Variants in ACTB observed in about 807,000 individuals in gnomAD.
The protein encoded by ACTB is actin beta, also known as actin, cytoplasmic 1.
A neutral mutation model predicts 30.5 loss-of-function variants in ACTB; 2 were observed. The ratio of observed to expected loss-of-function variants is 0.07; its 90% CI spans 0.03 to 0.21. ACTB has a LOEUF of 0.21. ACTB is among the 10% of genes least tolerant of loss of function. The probability of loss-of-function intolerance (pLI) is 1.00; values close to 1 mark genes in which losing one functional copy is unlikely to be tolerated. For missense variants in ACTB, 56 were observed against 530.0 expected (o/e 0.11, Z 8.78); for synonymous variants, 335 against 217.6 (o/e 1.54, Z -4.75).
intron 1 of ACTB, chr7:5,529,887 C>T: frequency 4.3e-6 from 3 of 699,410 alleles, no homozygotes; most frequent in Non-Finnish European, 7.3e-6. Context: ...AACCGGGCGC[C>T]AGCCCCGCCT....
At position 5,529,595 on chromosome 7, in the gene ACTB, G is replaced by A. The variant is rs370972197; in HGVS notation, c.63C>T (p.Phe21=). The change falls in exon 2 of 6, where the codon TTC becomes TTT. Residue 21 remains phenylalanine, a synonymous_variant. Transcript: ENST00000646664. ...CGGCCCGGGGGGCATCGTCGCCCGC[G>A]AAGCCGGCCTTGCACATGCCGGAGC... ...DNGSGMCKAG[F]AGDDAPRAVF... 28 of 1,611,402 alleles carry A rather than the reference G, an allele frequency of 1.7e-5. No individual in the cohort carries two copies. Among genetic ancestry groups the A allele is most frequent in the African/African-American group, 4.0e-5 (3 of 74,886 alleles).
chr7:5,530,552 T>A lies in ACTB; in HGVS notation c.-35A>T, dbSNP rs889129613. On this transcript the variant is annotated 5_prime_UTR_variant, in exon 1 of 6. Transcript: ENST00000646664. ...GCGGCGGGTGTGGACGGGCGGCGGA[T>A]CGGCAAAGGCGAGGCTCTGTGCTCG... The A allele has an allele frequency of 4.6e-5, 7 of 151,942 alleles. No homozygotes were observed. Among genetic ancestry groups the A allele is most frequent in the African/African-American group, 1.7e-4 (7 of 41,222 alleles). 9.4% of individuals were successfully genotyped at this position (151,942 alleles called of 1,614,324 possible). A position where few individuals can be genotyped will look rare whatever the true frequency, so the allele number is the denominator to read the frequency against.
intron 2 of ACTB, 33 bp downstream of exon 2, chr7:5,529,502 C>A: frequency 6.2e-7 from 1 of 1,611,930 alleles, no homozygotes; most frequent in Non-Finnish European, 8.5e-7. Context: ...CCCGCCCGCT[C>A]CCGGGGCTGC....
chr7:5,528,769 G>GTCC, intron 3 of ACTB, 50 bp from the exon 4 acceptor site: 1 of 1,595,002 alleles, frequency 6.3e-7, no homozygotes, highest in Non-Finnish European at 8.6e-7. Context: ...ACTGGGGACA[G>GTCC]CCAGGCCAGA....
chr7:5,529,706 G>A (rs372164689), intron 1 of ACTB, 43 bp from the exon 2 acceptor site: 307 of 1,609,642 alleles, frequency 1.9e-4, no homozygotes, highest in Non-Finnish European at 2.5e-4. Flanking sequence ...GGTCGCCCCC[G>A]CCCTGGCCAC....
At chr7:5,528,807 C>T (rs1169149798) in intron 3 of ACTB, 88 bp from the exon 4 acceptor site, 1 of 1,520,748 alleles carries the variant, frequency 6.6e-7, no homozygotes, top group East Asian at 2.3e-5. Context: ...GTGCAAAGAA[C>T]ACGGCTAAGT....
intron 5 of ACTB, 33 bp from the exon 6 acceptor site, chr7:5,527,924 C>G: frequency 6.2e-7 from 1 of 1,613,060 alleles, no homozygotes; most frequent in East Asian, 2.2e-5. Flanking sequence ...AGTGAGGACC[C>G]TGGATGTGAC....
In ACTB at chr7:5,527,727, C is replaced by T. The variant is rs771806128; in HGVS notation, c.*21G>A. 13 of 1,612,886 alleles carry T rather than the reference C, an allele frequency of 8.1e-6. No individual in the cohort carries two copies. The highest frequency in any genetic ancestry group is 2.2e-5 in the East Asian group (1 of 44,874). On this transcript the variant is annotated 3_prime_UTR_variant, in exon 6 of 6. Transcript: ENST00000646664. ...TAGGTTTTGTCAAGAAAGGGTGTAA[C>T]GCAACTAAGTCATAGTCCGCCTAGA...
At chr7:5,529,075 G>T (rs755998236) in intron 3 of ACTB, 86 bp downstream of exon 3, 3 of 1,613,350 alleles carry the variant, frequency 1.9e-6, no homozygotes, top group Non-Finnish European at 2.5e-6. Flanking sequence ...GAAAACGGCA[G>T]AAGAGAGAAC....
chr7:5,528,934 C>G (rs1411201626), intron 3 of ACTB: 1 of 1,508,012 alleles, frequency 6.6e-7, no homozygotes, highest in African/African-American at 1.4e-5. Flanking sequence ...AGTGTTAGTA[C>G]CTACACCCAC....
chr7:5,528,947 C>T (rs558577049), intron 3 of ACTB: 1 of 1,533,002 alleles, frequency 6.5e-7, no homozygotes, highest in Non-Finnish European at 8.8e-7. Context: ...ACACCCACAA[C>T]ACTGTCTTAG....
intron 1 of ACTB, 175 bp from the exon 2 acceptor site, chr7:5,529,838 C>T (rs763735958): frequency 2.8e-6 from 3 of 1,087,466 alleles, no homozygotes; most frequent in Non-Finnish European, 4.1e-6. Context: ...GAGGCGTCCC[C>T]GCGGCGCGCG....
rs925588729 is a variant in ACTB, at chr7:5,530,593, C to T, written c.-76G>A. On this transcript the variant is annotated 5_prime_UTR_variant, in exon 1 of 6. Transcript: ENST00000646664. ...TCTGTGCTCGCGGGGCGGACGCGGT[C>T]TCGGCGGTGGTGGCGCGTCGCGCCG... The T allele has an allele frequency of 6.6e-6, 1 of 152,080 alleles. No homozygotes were observed. Among genetic ancestry groups the T allele is most frequent in the Admixed American group, 6.6e-5 (1 of 15,248 alleles). 9.4% of individuals were successfully genotyped at this position (152,080 alleles called of 1,614,324 possible). A position where few individuals can be genotyped will look rare whatever the true frequency, so the allele number is the denominator to read the frequency against.
intron 3 of ACTB, 194 bp downstream of exon 3, chr7:5,528,967 C>A: frequency 1.3e-6 from 2 of 1,560,236 alleles, no homozygotes; most frequent in Admixed American, 2.0e-5. Flanking sequence ...GACACCTAGT[C>A]AGAGAGACAA....
rs1386625551 is a variant in ACTB at position 5,528,076 on chromosome 7, G to T, written c.912C>A (p.Thr304=). ...YANTVLSGGT[T]MYPGIADRMQ... ...TCCTGTCGGCAATGCCAGGGTACAT[G>T]GTGGTGCCGCCAGACAGCACTGTGT... is the stretch of plus-strand genomic sequence containing the variant. Residue 304 remains threonine, a synonymous_variant, in exon 5 of 6, where the codon ACC becomes ACA. Transcript: ENST00000646664. 6.2e-7 allele frequency: 1 copy of T among 1,614,234 alleles called. No individual in the cohort carries two copies. The highest frequency in any genetic ancestry group is 2.2e-5 in the East Asian group (1 of 44,892).
At position 5,528,862 on chromosome 7, in the gene ACTB, A is replaced by G. The variant is rs852422; in HGVS notation, c.364-143T>C. ...GGGAGTCTGTTCAGACCTACTGTGC[A>G]CCTACTTAATACACACTCCAAGGCC... On this transcript the variant is annotated intron_variant, in intron 3 of 5. Coordinates refer to ENST00000646664, the MANE Select transcript of ACTB (RefSeq NM_001101.5). 1 allele frequency: 1,371,546 copies of G among 1,376,834 alleles called. 683,149 individuals are homozygous for G. Among genetic ancestry groups the G allele is most frequent in the Middle Eastern group, 1 (4,994 of 4,994 alleles). The allele number at this position is 1,376,834 out of a possible 1,614,324, so 85.3% of individuals were successfully genotyped here. A position where few individuals can be genotyped will look rare whatever the true frequency, so the allele number is the denominator to read the frequency against.
intron 3 of ACTB, 124 bp downstream of exon 3, chr7:5,529,037 G>A: frequency 6.2e-7 from 1 of 1,612,564 alleles, no homozygotes; most frequent in South Asian, 1.1e-5. Context: ...TTCCAAAGGA[G>A]ACTCAGGTCA....
chr7:5,528,982 CAGAAAA>C (rs1365163510), intron 3 of ACTB, 173 bp downstream of exon 3: 1 of 1,581,576 alleles, frequency 6.3e-7, no homozygotes, highest in African/African-American at 1.4e-5. Context: ...AGACAAACAC[CAGAAAA>C]AGAGCTCATC....
At chr7:5,528,923 C>T (rs1784822090) in intron 3 of ACTB, 1 of 1,484,390 alleles carries the variant, frequency 6.7e-7, no homozygotes, top group African/African-American at 1.4e-5. Flanking sequence ...TCACACGAGC[C>T]AGTGTTAGTA....
Sources: gnomAD v4.1 joint callset for allele counts on GRCh38, gnomAD v4.1.1 for gene constraint, MANE v1.5 for transcripts, NCBI Gene and HGNC (gene_info 2026-07-23, HGNC 2026-07-21) for gene names.